Variants in MSTO1 observed in about 807,000 individuals in gnomAD.
MSTO1 encodes the protein misato mitochondrial distribution and morphology regulator 1, also known as protein misato homolog 1.
Under a neutral mutation model 55.7 loss-of-function variants are expected in MSTO1, and 24 were observed. The ratio of observed to expected loss-of-function variants is 0.43; its 90% CI spans 0.31 to 0.61. MSTO1 has a LOEUF of 0.61. Among genes scored for constraint, MSTO1 ranks in the 20% least tolerant of loss-of-function variants. MSTO1 has a pLI of 0.09. For missense variants in MSTO1, 363 were observed against 625.7 expected, an observed-to-expected ratio of 0.58 and a Z score of 4.48; for synonymous variants, 162 against 252.8, an observed-to-expected ratio of 0.64 and a Z score of 3.41.
At chr1:155,590,735 C>T in the MSTO1 span, 1 of 1,591,962 alleles carries the variant, frequency 6.3e-7, no homozygotes, top group South Asian at 1.1e-5. Context: ...AGCCTGCCAC[C>T]CAGCAACAAA....
the MSTO1 span, among the ~76,000 whole-genome samples, chr1:155,572,733 C>A: frequency 2.0e-5 from 3 of 151,990 alleles, no homozygotes; most frequent in Admixed American, 6.6e-5. Context: ...TTGCTGCAAC[C>A]TCCGCCTCCT....
chr1:155,595,138 A>T, the MSTO1 span, among the ~76,000 whole-genome samples: 215 of 131,566 alleles, frequency 1.6e-3, no homozygotes, highest in African/African-American at 8.3e-3. Flanking sequence ...ATTCTGTCTA[A>T]AAAAAAAAAA....
At chr1:155,581,058 T>C in the MSTO1 span, among the ~76,000 whole-genome samples, 1 of 152,232 alleles carries the variant, frequency 6.6e-6, no homozygotes, top group Admixed American at 6.5e-5. Flanking sequence ...AAAAATGTCT[T>C]TTTACATGCA....
upstream of MSTO1, among the ~76,000 whole-genome samples, chr1:155,609,283 T>C (rs1411615986): frequency 7.9e-6 from 1 of 126,730 alleles, no homozygotes; most frequent in Non-Finnish European, 1.6e-5. Flanking sequence ...TCTCGCTCTG[T>C]CGCCCAGGAT....
intron 12 of MSTO1, 25 bp downstream of exon 12, chr1:155,613,591 C>G (rs1316612757): frequency 4.4e-6 from 7 of 1,594,646 alleles, no homozygotes; most frequent in Non-Finnish European, 5.1e-6. Flanking sequence ...TGCTCCTGCC[C>G]TTCTTGCCAA....
chr1:155,596,470 G>A, the MSTO1 span, among the ~76,000 whole-genome samples: 2 of 152,170 alleles, frequency 1.3e-5, no homozygotes, highest in African/African-American at 4.8e-5. Flanking sequence ...TTTGGGGACA[G>A]CAACCAGCAT....
chr1:155,580,420 A>G, the MSTO1 span, among the ~76,000 whole-genome samples: 2 of 152,042 alleles, frequency 1.3e-5, no homozygotes, highest in Admixed American at 6.6e-5. Flanking sequence ...CTGTGGTCCC[A>G]GTTACTTGGG....
the MSTO1 span, among the ~76,000 whole-genome samples, chr1:155,599,954 AAT>A: frequency 6.6e-6 from 1 of 152,352 alleles, no homozygotes; most frequent in Non-Finnish European, 1.5e-5. Flanking sequence ...CAGTAGATGG[AAT>A]GTACAATCGG....
the MSTO1 span, among the ~76,000 whole-genome samples, chr1:155,596,539 C>T: frequency 6.6e-6 from 1 of 152,176 alleles, no homozygotes; most frequent in African/African-American, 2.4e-5. Context: ...AATCCCAGCA[C>T]TTTGGGATCC....
chr1:155,605,706 G>A (rs1306710675), upstream of MSTO1, among the ~76,000 whole-genome samples: 1 of 152,134 alleles, frequency 6.6e-6, no homozygotes, highest in Non-Finnish European at 1.5e-5. Flanking sequence ...GAATTAAGGG[G>A]TTCAAACTGC....
chr1:155,570,838 A>G, the MSTO1 span, among the ~76,000 whole-genome samples: 1 of 152,124 alleles, frequency 6.6e-6, no homozygotes, highest in Admixed American at 6.6e-5. Flanking sequence ...TCCCCTGGGA[A>G]TCCTGCAGTG....
chr1:155,593,097 A>G, the MSTO1 span, among the ~76,000 whole-genome samples: 5 of 151,946 alleles, frequency 3.3e-5, no homozygotes, highest in Admixed American at 6.6e-5. Flanking sequence ...TATTTTTAGT[A>G]GAGACAGAGT....
chr1:155,567,323 T>G, the MSTO1 span, among the ~76,000 whole-genome samples: 1 of 150,186 alleles, frequency 6.7e-6, no homozygotes, highest in Non-Finnish European at 1.5e-5. Flanking sequence ...TTTTTTTTTT[T>G]TTTTTTGAGA....
At chr1:155,593,518 C>T in the MSTO1 span, among the ~76,000 whole-genome samples, 5 of 152,164 alleles carry the variant, frequency 3.3e-5, no homozygotes, top group African/African-American at 1.2e-4. Flanking sequence ...TTCCCTGAAC[C>T]TTGTCTTCCC....
At chr1:155,592,585 A>T in the MSTO1 span, among the ~76,000 whole-genome samples, 84 of 151,044 alleles carry the variant, frequency 5.6e-4, 1 homozygote, top group African/African-American at 2.0e-3. Flanking sequence ...ATGGGGCTTC[A>T]CTCTGTTTCC....
the MSTO1 span, among the ~76,000 whole-genome samples, chr1:155,585,527 A>G: frequency 1.3e-5 from 2 of 151,412 alleles, no homozygotes; most frequent in African/African-American, 4.8e-5. Flanking sequence ...CGTCTCAAAA[A>G]AAAAAAAAAA....
At chr1:155,610,020 G>T (rs1241600793), upstream of MSTO1, 3 of 561,786 alleles carry the variant, frequency 5.3e-6, no homozygotes, top group African/African-American at 3.9e-5. Flanking sequence ...GAGCAACGGC[G>T]TGGCCCGTGG....
the MSTO1 span, among the ~76,000 whole-genome samples, chr1:155,574,635 T>C: frequency 6.6e-6 from 1 of 151,970 alleles, no homozygotes; most frequent in Non-Finnish European, 1.5e-5. Context: ...GGTGCAATCC[T>C]AGCTCACTGC....
chr1:155,564,987 G>C, the MSTO1 span, among the ~76,000 whole-genome samples: 1 of 152,076 alleles, frequency 6.6e-6, no homozygotes, highest in Non-Finnish European at 1.5e-5. Flanking sequence ...CGGGCGTGGT[G>C]GTGGGCGCCT....
Sources: allele counts gnomAD v4.1 joint callset (sites outside exome capture counted in the v4.1 genomes callset), GRCh38; gene constraint gnomAD v4.1.1; transcripts MANE v1.5; gene names NCBI Gene and HGNC (gene_info 2026-07-23, HGNC 2026-07-21).